MGST1: variants seen among roughly 807,000 people sequenced by gnomAD.
The protein encoded by MGST1 is glutathione S-transferase 12.
MGST1 carries 5 observed loss-of-function variants against 8.9 expected under a neutral mutation model. That is an observed-to-expected ratio of 0.56 (90% CI 0.29 to 1.19). MGST1 has a LOEUF of 1.19. MGST1 is among the 50% of genes most tolerant of loss of function. The pLI, the probability that MGST1 is intolerant of heterozygous loss-of-function variation, is 0.08. For missense variants in MGST1, 182 were observed against 187.4 expected, an observed-to-expected ratio of 0.97 and a Z score of 0.17; for synonymous variants, 54 against 67.8, an observed-to-expected ratio of 0.80 and a Z score of 1.00.
exon 2 of MGST1, chr12:16,438,655 C>G (rs1181686605): frequency 3.3e-5 from 5 of 151,806 alleles, no homozygotes; most frequent in Non-Finnish European, 7.4e-5. Flanking sequence ...TAAATCTTGT[C>G]TAGTTTCTGC....
At chr12:16,432,453 C>G (rs903134229) in intron 1 of MGST1, among the ~76,000 whole-genome samples, 1 of 151,888 alleles carries the variant, frequency 6.6e-6, no homozygotes, top group Non-Finnish European at 1.5e-5. Flanking sequence ...TACATAAACT[C>G]TCATCTAGTT....
chr12:16,399,233 T>G lies in MGST1; in HGVS notation n.778+15629T>G, dbSNP rs1429616982. ...CTATGTCATGTAAAATTTTCAGGGT[T>G]TGGCTAGAGGAAGAAAGGAGCTCAG... On this transcript the variant is annotated intron_variant and non_coding_transcript_variant, in intron 1 of 1. Transcript: ENST00000359720. The G allele has an allele frequency of 3.3e-6, 5 of 1,533,636 alleles. No homozygotes were observed. In the East Asian group the frequency reaches 1.1e-4, roughly 34 times the overall value.
At chr12:16,408,400 G>T (rs373664612) in intron 1 of MGST1, among the ~76,000 whole-genome samples, 188 of 152,042 alleles carry the variant, frequency 1.2e-3, no homozygotes, top group Non-Finnish European at 2.1e-3. Context: ...TGTCTTTATC[G>T]CATTCTCCCT....
rs1428114789 is a variant in MGST1 at position 16,363,869 on chromosome 12, AC to A, written c.300del (p.Ser101LeufsTer22). 6.2e-7 allele frequency: 1 copy of A among 1,613,668 alleles called. No individual in the cohort carries two copies. The highest frequency in any genetic ancestry group is 1.3e-5 in the African/African-American group (1 of 74,864). ...CTCCTGTATTCCTTGAGTGGTCCCG[AC>A]CCCTCTACAGCCATCCTGCACTTCA... is the stretch of plus-strand genomic sequence containing the variant. ...IGLLYSLSGPDPSTAILHFRL... is the reference protein window; with the variant it reads ...IGLLYSLSGPXPSTAILHFRL... On this transcript the variant is annotated frameshift_variant, in exon 4 of 4. Coordinates refer to ENST00000396210, the MANE Select transcript of MGST1 (RefSeq NM_020300.5). LOFTEE classifies it high-confidence loss of function. This position sits in a 1 kb window ranked among gnomAD's most constrained non-coding sequence, Gnocchi z 4.6.
chr12:16,542,127 A>G (rs1204797439), intron 4 of MGST1, among the ~76,000 whole-genome samples: 1 of 152,222 alleles, frequency 6.6e-6, no homozygotes, highest in Non-Finnish European at 1.5e-5. Context: ...AACAATAGCA[A>G]AGAGAGTAAT....
At chr12:16,471,134 C>T (rs1941287629) in intron 4 of MGST1, among the ~76,000 whole-genome samples, 2 of 152,228 alleles carry the variant, frequency 1.3e-5, no homozygotes, top group African/African-American at 2.4e-5. Context: ...CATTTATCGC[C>T]GTAATGGAAG....
chr12:16,488,928 G>A (rs945592613), intron 4 of MGST1, among the ~76,000 whole-genome samples: 2 of 152,010 alleles, frequency 1.3e-5, no homozygotes, highest in Non-Finnish European at 2.9e-5. Flanking sequence ...GGGCAACATA[G>A]TGAGACCCCA....
In MGST1 at chr12:16,412,610, G is replaced by A. The variant is rs539790305; in HGVS notation, n.779-24778G>A. On this transcript the variant is annotated intron_variant and non_coding_transcript_variant, in intron 1 of 1. Transcript: ENST00000359720. ...ATGTCCTGGGAGGGACCCAGTGGGAGGTAATTAAATCATGCGGATGAGTTT... is the reference window on the plus strand; with the variant it reads ...ATGTCCTGGGAGGGACCCAGTGGGAAGTAATTAAATCATGCGGATGAGTTT... Among the ~76,000 whole-genome samples, 3 of 152,252 alleles carry A rather than the reference G, an allele frequency of 2.0e-5. No homozygotes were observed. In the South Asian group the frequency reaches 6.2e-4, roughly 32 times the overall value.
intron 4 of MGST1, among the ~76,000 whole-genome samples, chr12:16,512,888 A>C (rs1400938604): frequency 6.6e-6 from 1 of 152,230 alleles, no homozygotes; most frequent in Non-Finnish European, 1.5e-5. Flanking sequence ...ACGTTAAAAT[A>C]ATATGCTTGT....
rs1031926807 is a variant in MGST1 at position 16,555,310 on chromosome 12, A to C, written n.483-34218A>C. 2.0e-5 allele frequency among the ~76,000 whole-genome samples: 3 copies of C among 152,138 alleles called. No homozygotes were observed. Among genetic ancestry groups the C allele is most frequent in the East Asian group, 1.9e-4 (1 of 5,190 alleles). ...TCCATCAACATCTTCTGACCATGTAAATTTGCTTATTCTGATGTTTCCCAA... is the reference window on the plus strand; with the variant it reads ...TCCATCAACATCTTCTGACCATGTACATTTGCTTATTCTGATGTTTCCCAA... On this transcript the variant is annotated intron_variant and non_coding_transcript_variant, in intron 4 of 4. Transcript: ENST00000538857. The surrounding 1 kb of genome is among the most constrained non-coding windows in gnomAD (Gnocchi z 5.5).
rs554382978 is a variant in MGST1, at chr12:16,544,847, C to T, written n.483-44681C>T. 3.3e-5 allele frequency among the ~76,000 whole-genome samples: 5 copies of T among 152,070 alleles called. No individual in the cohort carries two copies. The East Asian group carries it at 5.8e-4, about 18-fold the overall frequency. ...ATAGGGAGGATGACTATTAAATTATCGGCTAACTTGATGTGCACTGGCTGA... is the reference window on the plus strand; with the variant it reads ...ATAGGGAGGATGACTATTAAATTATTGGCTAACTTGATGTGCACTGGCTGA... On this transcript the variant is annotated intron_variant and non_coding_transcript_variant, in intron 4 of 4. Coordinates refer to the MGST1 transcript ENST00000538857. This position sits in a 1 kb window ranked among gnomAD's most constrained non-coding sequence, Gnocchi z 4.8.
chr12:16,378,075 A>T (rs1363964598), downstream of MGST1, among the ~76,000 whole-genome samples: 1 of 151,352 alleles, frequency 6.6e-6, no homozygotes, highest in Non-Finnish European at 1.5e-5. Context: ...GGTTGCAAAA[A>T]TTTTCTGCCA....
At position 16,462,287 on chromosome 12, in the gene MGST1, G is replaced by T. The variant is rs545272798; in HGVS notation, n.482+78683G>T. 6.6e-5 allele frequency among the ~76,000 whole-genome samples: 10 copies of T among 152,216 alleles called. No homozygotes were observed. The South Asian group carries it at 2.1e-3, about 32-fold the overall frequency. On this transcript the variant is annotated intron_variant and non_coding_transcript_variant, in intron 4 of 4. Coordinates refer to the MGST1 transcript ENST00000538857. ...CAACCAACCTTCTTCAAGGAACAGGGTGAATATACTATTTTTAAACAGATG... is the reference window on the plus strand; with the variant it reads ...CAACCAACCTTCTTCAAGGAACAGGTTGAATATACTATTTTTAAACAGATG...
chr12:16,439,132 T>C (rs1191064177), downstream of MGST1, among the ~76,000 whole-genome samples: 1 of 149,480 alleles, frequency 6.7e-6, no homozygotes, highest in Non-Finnish European at 1.5e-5. Flanking sequence ...AAAAGCCAGA[T>C]AGAAAACTAT....
chr12:16,463,247 T>C (rs12310962), intron 4 of MGST1, among the ~76,000 whole-genome samples: 4,159 of 152,148 alleles, frequency 0.027, 210 homozygotes, highest in African/African-American at 0.094. Context: ...GGTGCTATCA[T>C]GGCTCGGCTC....
downstream of MGST1, among the ~76,000 whole-genome samples, chr12:16,440,528 C>T (rs59702560): frequency 3.6e-3 from 550 of 151,872 alleles, 8 homozygotes; most frequent in East Asian, 0.048. Flanking sequence ...TTTTGTCTAA[C>T]TCAACATAAT....
intron 1 of MGST1, among the ~76,000 whole-genome samples, chr12:16,436,652 G>A (rs575735575): frequency 6.6e-6 from 1 of 151,968 alleles, no homozygotes; most frequent in South Asian, 2.1e-4. Context: ...TTTATGAGTT[G>A]CTGTTTTAAG....
At chr12:16,588,933 G>T (rs1275178057) in intron 4 of MGST1, among the ~76,000 whole-genome samples, 1 of 151,282 alleles carries the variant, frequency 6.6e-6, no homozygotes, top group Non-Finnish European at 1.5e-5. Flanking sequence ...AATGTGTACC[G>T]CTCTTTCCCT....
Position 16,401,596 on chromosome 12 carries a change from C to G in MGST1, n.778+17992C>G. ...GAGCAATAAGACTCGAAGCGAATAC[C>G]CATGGCACAAGTGATAGCCCCAAAA... On this transcript the variant is annotated intron_variant and non_coding_transcript_variant, in intron 1 of 1. Coordinates refer to the MGST1 transcript ENST00000359720. The surrounding 1 kb of genome is among the most constrained non-coding windows in gnomAD (Gnocchi z 4.3). The G allele has an allele frequency of 6.9e-7, 1 of 1,451,096 alleles. No individual in the cohort carries two copies. The highest frequency in any genetic ancestry group is 1.1e-5 in the South Asian group (1 of 87,550). 89.9% of individuals were successfully genotyped at this position (1,451,096 alleles called of 1,614,324 possible).
Sources: gnomAD v4.1 joint callset for allele counts (sites outside exome capture counted in the v4.1 genomes callset) on GRCh38, gnomAD v4.1.1 for gene constraint, Gnocchi (gnomAD v3.1) non-coding constraint, MANE v1.5 for transcripts, NCBI Gene and HGNC (gene_info 2026-07-23, HGNC 2026-07-21) for gene names.